Variants in ADAM12 observed in about 807,000 individuals in gnomAD.
ADAM12 encodes ADAM metallopeptidase domain 12, also known as disintegrin and metalloproteinase domain-containing protein 12.
Under a neutral mutation model 106.4 loss-of-function variants are expected in ADAM12, and 70 were observed. That is an observed-to-expected ratio of 0.66 (90% CI 0.54 to 0.80). The LOEUF is 0.80. Among genes scored for constraint, ADAM12 ranks in the 30% least tolerant of loss-of-function variants. The pLI is 0.00. For missense variants in ADAM12, 1,010 were observed against 1,171.9 expected, an observed-to-expected ratio of 0.86 and a Z score of 2.02; for synonymous variants, 420 against 433.5, an observed-to-expected ratio of 0.97 and a Z score of 0.39.
At chr10:126,375,659 G>C (rs1422206563) in intron 1 of ADAM12, among the ~76,000 whole-genome samples, 1 of 148,378 alleles carries the variant, frequency 6.7e-6, no homozygotes, top group Non-Finnish European at 1.5e-5. Context: ...GAAAAGAAAG[G>C]TGTAAAGATA....
chr10:126,042,939 G>T, intron 18 of ADAM12, 101 bp downstream of exon 18: 1 of 1,184,690 alleles, frequency 8.4e-7, no homozygotes, highest in Non-Finnish European at 1.2e-6. Flanking sequence ...TCCCCACTGG[G>T]TTTCTTGTTG....
intron 8 of ADAM12, among the ~76,000 whole-genome samples, chr10:126,108,076 G>A (rs538682919): frequency 6.6e-6 from 1 of 152,300 alleles, no homozygotes; most frequent in Non-Finnish European, 1.5e-5. Flanking sequence ...TGTTCTTGGC[G>A]AGGGATTTTC....
At chr10:126,130,973 G>C (rs1956293355) in intron 5 of ADAM12, among the ~76,000 whole-genome samples, 1 of 152,154 alleles carries the variant, frequency 6.6e-6, no homozygotes, top group South Asian at 2.1e-4. Flanking sequence ...AAGATAACCT[G>C]AAAATTATCC....
chr10:126,038,864 G>A (rs1565002128), intron 19 of ADAM12, among the ~76,000 whole-genome samples: 1 of 149,884 alleles, frequency 6.7e-6, no homozygotes, highest in Admixed American at 6.6e-5. Context: ...AAAGAACCAA[G>A]TCCCAGGTTT....
chr10:126,055,400 C>T (rs573840900), intron 14 of ADAM12, among the ~76,000 whole-genome samples: 1 of 152,346 alleles, frequency 6.6e-6, no homozygotes, highest in Admixed American at 6.5e-5. Flanking sequence ...AACAAACACA[C>T]ACACTTTAAA....
At chr10:126,327,177 A>G (rs1854335318) in intron 2 of ADAM12, among the ~76,000 whole-genome samples, 1 of 152,214 alleles carries the variant, frequency 6.6e-6, no homozygotes, top group African/African-American at 2.4e-5. Flanking sequence ...TCTGGGTCAC[A>G]GAGCGACGTG....
intron 4 of ADAM12, among the ~76,000 whole-genome samples, chr10:126,154,182 T>C (rs527856206): frequency 6.6e-6 from 1 of 152,346 alleles, no homozygotes; most frequent in South Asian, 2.1e-4. Flanking sequence ...GAATAGTCCT[T>C]TGGGGAGCCC....
chr10:126,077,568 A>G (rs1955126531), intron 11 of ADAM12, among the ~76,000 whole-genome samples: 3 of 152,204 alleles, frequency 2.0e-5, no homozygotes, highest in Admixed American at 1.3e-4. Context: ...GGAACAGAAT[A>G]GAGACCCCAG....
chr10:126,248,452 A>G (rs908234313), intron 3 of ADAM12, among the ~76,000 whole-genome samples: 1 of 151,964 alleles, frequency 6.6e-6, no homozygotes, highest in African/African-American at 2.4e-5. Flanking sequence ...AGGCCTTGCC[A>G]CCCCTCGAGG....
chr10:126,185,646 T>C (rs1057120626), intron 3 of ADAM12, among the ~76,000 whole-genome samples: 1 of 151,832 alleles, frequency 6.6e-6, no homozygotes, highest in African/African-American at 2.4e-5. Flanking sequence ...GGGGACAACA[T>C]CTAGGATGGC....
rs1260970852 is a variant in ADAM12, at chr10:126,082,673, A to G, written c.1146-11019T>C. Among the ~76,000 whole-genome samples the G allele has an allele frequency of 4.6e-5, 7 of 152,226 alleles. No individual in the cohort carries two copies. The East Asian group carries it at 9.7e-4, about 21-fold the overall frequency. On this transcript the variant is annotated intron_variant, in intron 11 of 22. Transcript: ENST00000448723. ...GGCGTGAGCCACCATGCCGGCCACA[A>G]CTTTTATCATTCATTCCATAACTAG...
Position 126,043,970 on chromosome 10 carries a change from C to A in ADAM12, c.1996-822G>T, listed in dbSNP as rs1282051403. Among the ~76,000 whole-genome samples, 1 of 152,182 alleles carries A rather than the reference C, an allele frequency of 6.6e-6. No individual in the cohort carries two copies. Among genetic ancestry groups the A allele is most frequent in the Non-Finnish European group, 1.5e-5 (1 of 68,028 alleles). ...TAGACCAGAGCATTCCATGCAGGGG[C>A]CAGCAGCCCCTGCCCACCTGGTTAC... On this transcript the variant is annotated intron_variant, in intron 17 of 22. Transcript: ENST00000448723. The surrounding 1 kb of genome is among the most constrained non-coding windows in gnomAD (Gnocchi z 4.1).
At chr10:126,122,118 A>G (rs1310436518) in intron 5 of ADAM12, among the ~76,000 whole-genome samples, 1 of 152,224 alleles carries the variant, frequency 6.6e-6, no homozygotes, top group Admixed American at 6.5e-5. Context: ...GAAGGGGTCC[A>G]ATGTGGTTTG....
chr10:126,079,658 C>T (rs888354210), intron 11 of ADAM12, among the ~76,000 whole-genome samples: 45 of 152,150 alleles, frequency 3.0e-4, no homozygotes, highest in African/African-American at 1.1e-3. Flanking sequence ...TGCTGTTGTA[C>T]CTATTTGTGT....
intron 3 of ADAM12, among the ~76,000 whole-genome samples, chr10:126,193,093 G>A (rs1051508166): frequency 2.0e-5 from 3 of 151,806 alleles, no homozygotes; most frequent in South Asian, 2.1e-4. Context: ...GTGAAACCCC[G>A]TCTCTACTAG....
chr10:126,108,534 A>C, intron 8 of ADAM12, 59 bp downstream of exon 8: 2 of 1,489,430 alleles, frequency 1.3e-6, no homozygotes, highest in Admixed American at 1.7e-5. Context: ...GAGGTCCCCC[A>C]ACCTCATTTC....
chr10:126,185,618 C>G (rs1284553930), intron 3 of ADAM12, among the ~76,000 whole-genome samples: 1 of 151,668 alleles, frequency 6.6e-6, no homozygotes, highest in Non-Finnish European at 1.5e-5. Flanking sequence ...TGGAGTTTGA[C>G]AAGCAACAGT....
intron 3 of ADAM12, among the ~76,000 whole-genome samples, chr10:126,275,147 C>T (rs748043346): frequency 1.5e-4 from 23 of 152,176 alleles, no homozygotes; most frequent in Non-Finnish European, 2.6e-4. Context: ...ATGTAAGGAA[C>T]GTGATCTACT....
At chr10:126,330,319 T>G (rs758198482) in intron 2 of ADAM12, 93 bp downstream of exon 2, 21 of 1,083,742 alleles carry the variant, frequency 1.9e-5, no homozygotes, top group Non-Finnish European at 2.4e-5. Flanking sequence ...TTAAAGTGAG[T>G]AGAGACAACC....
Sources: allele counts gnomAD v4.1 joint callset (sites outside exome capture counted in the v4.1 genomes callset), GRCh38; gene constraint gnomAD v4.1.1; non-coding constraint Gnocchi (gnomAD v3.1); transcripts MANE v1.5; gene names NCBI Gene and HGNC (gene_info 2026-07-23, HGNC 2026-07-21).